The following ITSN2 variants were observed in gnomAD, a reference collection of about 807,000 sequenced individuals.
The protein encoded by ITSN2 is intersectin-2.
A neutral mutation model predicts 243.7 loss-of-function variants in ITSN2; 156 were observed. The observed-to-expected ratio is 0.64, with a 90% CI of 0.56 to 0.73. The LOEUF is 0.73. Among genes scored for constraint, ITSN2 ranks in the 30% least tolerant of loss-of-function variants. The probability of loss-of-function intolerance (pLI) is 0.00; values close to 1 mark genes in which losing one functional copy is unlikely to be tolerated. For missense variants in ITSN2, 1,801 were observed against 1,996.1 expected (o/e 0.90, Z 1.86); for synonymous variants, 703 against 699.9 (o/e 1.00, Z -0.07).
intron 20 of ITSN2, among the ~76,000 whole-genome samples, chr2:24,270,369 T>A (rs555682350): frequency 6.6e-6 from 1 of 152,342 alleles, no homozygotes; most frequent in South Asian, 2.1e-4. Context: ...AGTTGCTGTA[T>A]GGCATAGCAG....
At chr2:24,291,676 G>C (rs1160008587) in intron 15 of ITSN2, among the ~76,000 whole-genome samples, 1 of 151,964 alleles carries the variant, frequency 6.6e-6, no homozygotes, top group Non-Finnish European at 1.5e-5. Flanking sequence ...TTTTAGTAGA[G>C]ATGGCGTATC....
chr2:24,316,641 A>C (rs745798547), intron 2 of ITSN2, among the ~76,000 whole-genome samples: 27 of 152,270 alleles, frequency 1.8e-4, no homozygotes, highest in Non-Finnish European at 3.2e-4. Flanking sequence ...TCACAAAGAT[A>C]GTACATGGCT....
intron 29 of ITSN2, among the ~76,000 whole-genome samples, chr2:24,234,691 C>T (rs556878928): frequency 1.6e-4 from 24 of 152,294 alleles, no homozygotes; most frequent in South Asian, 1.0e-3. Context: ...AAGACCTTAA[C>T]AGATGCCTCA....
At chr2:24,212,770 C>T (rs539808054) in intron 32 of ITSN2, 22 bp from the exon 33 acceptor site, 6 of 1,590,242 alleles carry the variant, frequency 3.8e-6, no homozygotes, top group East Asian at 4.5e-5. Context: ...CAGTGAGGCT[C>T]GTGAGGAAAT....
At chr2:24,263,112 C>T (rs1676123483) in intron 20 of ITSN2, among the ~76,000 whole-genome samples, 2 of 152,094 alleles carry the variant, frequency 1.3e-5, no homozygotes, top group South Asian at 2.1e-4. Flanking sequence ...GCATTATATA[C>T]ATTATATATG....
intron 22 of ITSN2, among the ~76,000 whole-genome samples, chr2:24,259,598 G>GT (rs1675542320): frequency 6.6e-6 from 1 of 152,256 alleles, no homozygotes; most frequent in Admixed American, 6.5e-5. Flanking sequence ...CATGAATCCT[G>GT]TATTCCAGCC....
intron 7 of ITSN2, chr2:24,309,092 A>AC (rs1228018248): frequency 4.5e-6 from 1 of 222,662 alleles, no homozygotes; most frequent in Admixed American, 5.0e-5. Flanking sequence ...TCATCCTAAA[A>AC]CCATTGCTTC....
At chr2:24,327,903 A>C (rs1248176355) in intron 2 of ITSN2, 149 bp downstream of exon 2, 1 of 640,520 alleles carries the variant, frequency 1.6e-6, no homozygotes, top group African/African-American at 1.8e-5. Context: ...TACAGAAGAC[A>C]TATGCAGTGT....
intron 9 of ITSN2, among the ~76,000 whole-genome samples, chr2:24,302,837 T>C (rs1328368367): frequency 6.6e-6 from 1 of 152,224 alleles, no homozygotes; most frequent in Non-Finnish European, 1.5e-5. Flanking sequence ...ACAGTTTTTC[T>C]AGTAAAATAT....
At chr2:24,280,131 T>C (rs556471705) in intron 17 of ITSN2, among the ~76,000 whole-genome samples, 2 of 152,342 alleles carry the variant, frequency 1.3e-5, no homozygotes, top group Non-Finnish European at 2.9e-5. Context: ...AGAGTAAAAA[T>C]CATTAATTCT....
intron 1 of ITSN2, among the ~76,000 whole-genome samples, chr2:24,334,097 C>G (rs1181549477): frequency 6.6e-6 from 1 of 151,600 alleles, no homozygotes; most frequent in Non-Finnish European, 1.5e-5. Context: ...CTCCCTCTGT[C>G]ACCCAGGCTG....
chr2:24,277,210 TAAG>T (rs946378455), intron 17 of ITSN2, among the ~76,000 whole-genome samples: 1 of 152,100 alleles, frequency 6.6e-6, no homozygotes, highest in African/African-American at 2.4e-5. Context: ...CGGGGGGACT[TAAG>T]AGTAATCAAA....
Position 24,251,310 on chromosome 2 carries a change from A to AAAGAAAAAATAAAAAATAAAAAAAT in ITSN2, c.3120+1034_3120+1035insATTTTTTTATTTTTTATTTTTTCTT, listed in dbSNP as rs1287828013. On this transcript the variant is annotated intron_variant, in intron 25 of 39. Coordinates refer to ENST00000355123, the MANE Select transcript of ITSN2 (RefSeq NM_006277.3). Reference sequence around the variant, plus strand: ...GGGCAACAGAACTAAACTCCATCTCAAAAAAAAAAAAAAATAAAATATATA... The same window carrying AAAGAAAAAATAAAAAATAAAAAAAT: ...GGGCAACAGAACTAAACTCCATCTCAAAGAAAAAATAAAAAATAAAAAAATAAAAAAAAAAAAAATAAAATATATA... Among the ~76,000 whole-genome samples, 2 of 3,232 alleles carry AAAGAAAAAATAAAAAATAAAAAAAT rather than the reference A, an allele frequency of 6.2e-4. 1 individual carries two copies. The highest frequency in any genetic ancestry group is 3.1e-3 in the African/African-American group (2 of 652). The allele number at this position is 3,232 out of a possible 152,430, so 2.1% of individuals were successfully genotyped here.
intron 20 of ITSN2, among the ~76,000 whole-genome samples, chr2:24,263,133 CTT>C (rs1676128201): frequency 6.6e-6 from 1 of 152,068 alleles, no homozygotes; most frequent in African/African-American, 2.4e-5. Context: ...CATAATGACA[CTT>C]AATTATGTAG....
intron 24 of ITSN2, 31 bp from the exon 25 acceptor site, chr2:24,252,542 T>C (rs745584383): frequency 6.5e-7 from 1 of 1,536,102 alleles, no homozygotes; most frequent in South Asian, 1.2e-5. Flanking sequence ...AGAAGTAGAT[T>C]CTGGTTTTAA....
At chr2:24,269,894 C>T (rs1677131238) in intron 20 of ITSN2, among the ~76,000 whole-genome samples, 1 of 152,160 alleles carries the variant, frequency 6.6e-6, no homozygotes, top group South Asian at 2.1e-4. Context: ...GTAGAACAAA[C>T]CTCTCCCCCT....
intron 29 of ITSN2, among the ~76,000 whole-genome samples, chr2:24,243,305 C>G (rs927442383): frequency 6.6e-6 from 1 of 152,088 alleles, no homozygotes; most frequent in African/African-American, 2.4e-5. Flanking sequence ...CTAGTCAGTA[C>G]AGAGTAGACA....
At chr2:24,260,724 A>G (rs1675733859) in intron 22 of ITSN2, among the ~76,000 whole-genome samples, 1 of 152,042 alleles carries the variant, frequency 6.6e-6, no homozygotes, top group Non-Finnish European at 1.5e-5. Context: ...CCTGGCTAAC[A>G]TGGTGAAACC....
chr2:24,260,995 G>T, intron 22 of ITSN2, 111 bp downstream of exon 22: 1 of 863,592 alleles, frequency 1.2e-6, no homozygotes, highest in Non-Finnish European at 1.7e-6. Context: ...GAAACTGAAT[G>T]CTACAAACTC....
Sources: gnomAD v4.1 joint callset for allele counts (sites outside exome capture counted in the v4.1 genomes callset) on GRCh38, gnomAD v4.1.1 for gene constraint, MANE v1.5 for transcripts, NCBI Gene and HGNC (gene_info 2026-07-23, HGNC 2026-07-21) for gene names.